Variants in DRC1 observed in about 807,000 individuals in gnomAD.
DRC1 encodes the protein dynein regulatory complex protein 1.
In DRC1, 74 loss-of-function variants were observed where a neutral mutation model predicts 98.7. The observed-to-expected ratio is 0.75, with a 90% CI of 0.62 to 0.91. DRC1 has a LOEUF of 0.91. DRC1 is among the 40% of genes least tolerant of loss of function. The pLI is 0.00. For synonymous variants in DRC1, 336 were observed against 334.1 expected (o/e 1.01, Z -0.06); for missense variants, 875 against 886.0 (o/e 0.99, Z 0.16).
intron 2 of DRC1, among the ~76,000 whole-genome samples, chr2:26,418,558 TTATATATAATATATATTA>T (rs1678895962): frequency 1.1e-5 from 1 of 93,888 alleles, no homozygotes; most frequent in South Asian, 2.6e-4. Flanking sequence ...TATATATAAT[TTATATATAATATATATTA>T]TATATAAATT....
intron 1 of DRC1, among the ~76,000 whole-genome samples, chr2:26,412,604 T>C (rs775878625): frequency 7.9e-5 from 12 of 152,036 alleles, no homozygotes; most frequent in Admixed American, 1.3e-4. Context: ...ATTTTCTGAT[T>C]CACACACACA....
intron 1 of DRC1, among the ~76,000 whole-genome samples, chr2:26,413,564 C>G (rs1359890340): frequency 1.3e-5 from 2 of 152,110 alleles, no homozygotes; most frequent in South Asian, 2.1e-4. Flanking sequence ...GTTTTGGTTT[C>G]TCTGATTATA....
At chr2:26,404,940 A>G (rs1239959348) in intron 1 of DRC1, among the ~76,000 whole-genome samples, 2 of 152,110 alleles carry the variant, frequency 1.3e-5, no homozygotes, top group African/African-American at 2.4e-5. Context: ...AATCCTAAAC[A>G]TTTCTGGGTA....
Position 26,432,065 on chromosome 2 carries a change from T to C in DRC1, c.888+59T>C. 1.9e-6 allele frequency: 3 copies of C among 1,573,736 alleles called. No homozygotes were observed. In the South Asian group the frequency reaches 3.5e-5, roughly 18 times the overall value. On this transcript the variant is annotated intron_variant, in intron 7 of 16. Transcript: ENST00000288710. ...TGGCGGAGCAGATGGTGAACACCTG[T>C]GAATGTTTCATATTTAGCAACTACC...
At chr2:26,449,893 C>T (rs1355647040) in intron 11 of DRC1, 103 bp from the exon 12 acceptor site, 13 of 1,035,824 alleles carry the variant, frequency 1.3e-5, no homozygotes, top group East Asian at 2.7e-5. Flanking sequence ...GCGTCTGCTC[C>T]GTGGCATGGT....
At chr2:26,450,755 G>C in intron 13 of DRC1, 74 bp downstream of exon 13, 5 of 1,313,022 alleles carry the variant, frequency 3.8e-6, no homozygotes, top group Non-Finnish European at 5.0e-6. Flanking sequence ...TATACTTTAA[G>C]TTCTGGGTTA....
chr2:26,425,995 G>A lies in DRC1; in HGVS notation c.540+1541G>A, dbSNP rs1663274498. ...AAATTATGGCCAAATCCAATGTGCA[G>A]AAAGCTTGTCCTCTATATTTTCTTC... is the stretch of plus-strand genomic sequence containing the variant. On this transcript the variant is annotated intron_variant, in intron 4 of 16. Transcript: ENST00000288710. Among the ~76,000 whole-genome samples the A allele has an allele frequency of 2.0e-5, 3 of 152,126 alleles. No individual in the cohort carries two copies. In the South Asian group the frequency reaches 6.2e-4, roughly 31 times the overall value.
In DRC1 at chr2:26,455,065, C is replaced by T. The variant is rs1354566230; in HGVS notation, c.2064-66C>T. The T allele has an allele frequency of 3.2e-6, 5 of 1,565,418 alleles. No homozygotes were observed. In the African/African-American group the frequency reaches 6.8e-5, roughly 21 times the overall value. ...TGTAGCCAAAGTACAACCACCAAGA[C>T]CCTGGCCCCTACTTGGCAGAGGATG... is the stretch of plus-strand genomic sequence containing the variant. On this transcript the variant is annotated intron_variant, in intron 15 of 16. Transcript: ENST00000288710.
At chr2:26,430,617 T>A (rs1473288324) in intron 5 of DRC1, 169 bp from the exon 6 acceptor site, 1 of 755,050 alleles carries the variant, frequency 1.3e-6, no homozygotes, top group Admixed American at 1.8e-5. Flanking sequence ...TCCATGCAGC[T>A]CCTTCCATAG....
At position 26,453,470 on chromosome 2, in the gene DRC1, C is replaced by T. The variant is rs372284377; in HGVS notation, c.1840C>T (p.Pro614Ser). 2 of 1,614,052 alleles carry T rather than the reference C, an allele frequency of 1.2e-6. No individual in the cohort carries two copies. The change falls in exon 14 of 17, where the codon CCA becomes TCA. Residue 614 changes from proline to serine, a missense_variant. Coordinates refer to ENST00000288710, the MANE Select transcript of DRC1 (RefSeq NM_145038.5). ...GGAGAAGGAGGAAGAGGAGGAGACCCCACCCTCCCCCTGGGTCATCCACCC... is the reference window on the plus strand; with the variant it reads ...GGAGAAGGAGGAAGAGGAGGAGACCTCACCCTCCCCCTGGGTCATCCACCC... The part of the protein sequence containing the change: ...EGEKEEEEET[P>S]PSPWVIHPND...
At chr2:26,450,515 G>A (rs1434415804) in intron 12 of DRC1, 77 bp from the exon 13 acceptor site, 8 of 1,332,018 alleles carry the variant, frequency 6.0e-6, no homozygotes, top group Non-Finnish European at 8.4e-6. Flanking sequence ...GCTCTTAGGA[G>A]CTGAGCATCT....
chr2:26,452,929 C>A (rs74902685), intron 13 of DRC1, among the ~76,000 whole-genome samples: 7,060 of 152,220 alleles, frequency 0.046, 222 homozygotes, highest in Non-Finnish European at 0.069. Context: ...TGATAGCATT[C>A]GTTTGCCTGT....
chr2:26,431,176 G>A (rs139831048), intron 6 of DRC1, among the ~76,000 whole-genome samples: 7 of 152,068 alleles, frequency 4.6e-5, no homozygotes, highest in Non-Finnish European at 8.8e-5. Context: ...GGATGGTCTC[G>A]ATCTCCTGAC....
rs1664187040 is a variant in DRC1, at chr2:26,456,674, C to T, written c.*157C>T. 1 of 761,152 alleles carries T rather than the reference C, an allele frequency of 1.3e-6. No individual in the cohort carries two copies. The highest frequency in any genetic ancestry group is 1.9e-5 in the South Asian group (1 of 53,786). 47.1% of individuals were successfully genotyped at this position (761,152 alleles called of 1,614,324 possible). The stretch of plus-strand genomic sequence containing the variant: ...TCGAAATAAGGAGCCAGAGGAGTTA[C>T]CTGTGTCCTGCATTATGATTAAAGC... On this transcript the variant is annotated 3_prime_UTR_variant, in exon 17 of 17. Coordinates refer to ENST00000288710, the MANE Select transcript of DRC1 (RefSeq NM_145038.5).
chr2:26,428,056 A>G (rs975049661), intron 4 of DRC1, among the ~76,000 whole-genome samples: 1 of 152,196 alleles, frequency 6.6e-6, no homozygotes, highest in African/African-American at 2.4e-5. Context: ...GTGTCCTGCA[A>G]CTTTGCTGAA....
At chr2:26,423,175 G>A (rs1663190608) in intron 3 of DRC1, among the ~76,000 whole-genome samples, 1 of 152,184 alleles carries the variant, frequency 6.6e-6, no homozygotes, top group East Asian at 1.9e-4. Flanking sequence ...CATGCAAGGA[G>A]TTAGGCCTTG....
intron 2 of DRC1, among the ~76,000 whole-genome samples, chr2:26,418,563 T>C (rs1183517571): frequency 3.7e-5 from 4 of 109,214 alleles, no homozygotes; most frequent in African/African-American, 1.6e-4. Context: ...ATAATTTATA[T>C]ATAATATATA....
At chr2:26,436,440 T>G (rs181743650) in intron 7 of DRC1, among the ~76,000 whole-genome samples, 4 of 152,268 alleles carry the variant, frequency 2.6e-5, no homozygotes, top group Admixed American at 2.0e-4. Flanking sequence ...GTCTCCCGAA[T>G]AGCTGGGACT....
At chr2:26,438,903 C>T (rs533064698) in intron 7 of DRC1, among the ~76,000 whole-genome samples, 2 of 152,300 alleles carry the variant, frequency 1.3e-5, no homozygotes, top group South Asian at 4.1e-4. Context: ...GCATTTCACT[C>T]GGGAGAAGCA....
Sources: gnomAD v4.1 joint callset for allele counts (sites outside exome capture counted in the v4.1 genomes callset) on GRCh38, gnomAD v4.1.1 for gene constraint, MANE v1.5 for transcripts, NCBI Gene and HGNC (gene_info 2026-07-23, HGNC 2026-07-21) for gene names.